The following LYAR variants were observed in gnomAD, a reference collection of about 807,000 sequenced individuals.
LYAR encodes Ly1 antibody reactive.
In LYAR, 37 loss-of-function variants were observed where a neutral mutation model predicts 45.2. The ratio of observed to expected loss-of-function variants is 0.82; its 90% CI spans 0.63 to 1.08. The LOEUF (loss-of-function observed/expected upper bound fraction) is 1.08. LYAR is among the 50% of genes least tolerant of loss of function. The probability of loss-of-function intolerance (pLI) is 0.00; values close to 1 mark genes in which losing one functional copy is unlikely to be tolerated. For synonymous variants in LYAR, 176 were observed against 155.1 expected, an observed-to-expected ratio of 1.14 and a Z score of -1.00; for missense variants, 493 against 451.0, an observed-to-expected ratio of 1.09 and a Z score of -0.84.
At chr4:4,289,311 G>C (rs1719758582) in intron 1 of LYAR, among the ~76,000 whole-genome samples, 1 of 152,252 alleles carries the variant, frequency 6.6e-6, no homozygotes, top group Admixed American at 6.5e-5. Context: ...TAACTACCAT[G>C]TGTCAGGCAC....
At chr4:4,273,098 G>C (rs1719007668) in intron 8 of LYAR, among the ~76,000 whole-genome samples, 1 of 152,214 alleles carries the variant, frequency 6.6e-6, no homozygotes, top group South Asian at 2.1e-4. Context: ...AGAGAACAGT[G>C]AAAGGCAGGG....
chr4:4,274,354 G>C lies in LYAR; in HGVS notation c.832+13C>G, dbSNP rs758524558. On this transcript the variant is annotated intron_variant, in intron 7 of 9. Transcript: ENST00000343470. ...TTTTCAGATGAATCCCAGAGCGTGAGCTAGCCACTTACCTTCCGAGTGCCT... is the reference window on the plus strand; with the variant it reads ...TTTTCAGATGAATCCCAGAGCGTGACCTAGCCACTTACCTTCCGAGTGCCT... 6.2e-7 allele frequency: 1 copy of C among 1,604,264 alleles called. No individual in the cohort carries two copies. Among genetic ancestry groups the C allele is most frequent in the Non-Finnish European group, 8.5e-7 (1 of 1,174,446 alleles).
chr4:4,278,253 C>T lies in LYAR; in HGVS notation c.429+1194G>A, dbSNP rs573999408. Among the ~76,000 whole-genome samples the T allele has an allele frequency of 9.3e-4, 142 of 152,038 alleles. 1 individual carries two copies. Among genetic ancestry groups the T allele is most frequent in the African/African-American group, 3.2e-3 (134 of 41,478 alleles). ...TTTCATCTTGATGCCCACTTGTTGCCGAAAGTATTCTCTCTACATAAGTGA... is the reference window on the plus strand; with the variant it reads ...TTTCATCTTGATGCCCACTTGTTGCTGAAAGTATTCTCTCTACATAAGTGA... On this transcript the variant is annotated intron_variant, in intron 6 of 9. Coordinates refer to ENST00000343470, the MANE Select transcript of LYAR (RefSeq NM_017816.3).
chr4:4,275,016 A>G (rs980997790), intron 6 of LYAR, among the ~76,000 whole-genome samples: 4 of 152,210 alleles, frequency 2.6e-5, no homozygotes, highest in African/African-American at 9.7e-5. Context: ...TCCACTGGAA[A>G]AGTGAAGAAT....
intron 1 of LYAR, 43 bp downstream of exon 1, chr4:4,289,993 G>A (rs928807235): frequency 1.3e-5 from 2 of 152,328 alleles, no homozygotes; most frequent in Non-Finnish European, 2.9e-5. Flanking sequence ...CACTCTCTGA[G>A]CCCCAGCCTC....
At chr4:4,281,407 C>T (rs1156645329) in intron 4 of LYAR, among the ~76,000 whole-genome samples, 1 of 152,024 alleles carries the variant, frequency 6.6e-6, no homozygotes, top group Non-Finnish European at 1.5e-5. Flanking sequence ...GCAACCTCTG[C>T]CTCCTGGCTT....
chr4:4,288,246 T>G (rs113607653), intron 1 of LYAR, among the ~76,000 whole-genome samples: 1 of 152,140 alleles, frequency 6.6e-6, no homozygotes, highest in Non-Finnish European at 1.5e-5. Context: ...ACCTACTAAT[T>G]TGCACATCAA....
chr4:4,276,725 C>A (rs1189978794), intron 6 of LYAR, among the ~76,000 whole-genome samples: 1 of 150,936 alleles, frequency 6.6e-6, no homozygotes, highest in Non-Finnish European at 1.5e-5. Context: ...GGCGTGGTGG[C>A]AAGCGCCTGT....
rs1160517382 is a variant in LYAR at position 4,267,770 on chromosome 4, C to T, written c.*119G>A. ...TTATACCAAAAATATATTTTCTTAA[C>T]TTAAAAATACAGCTTCAAAAAGCAA... On this transcript the variant is annotated 3_prime_UTR_variant, in exon 10 of 10. Coordinates refer to ENST00000343470, the MANE Select transcript of LYAR (RefSeq NM_017816.3). 1 of 662,510 alleles carries T rather than the reference C, an allele frequency of 1.5e-6. No individual in the cohort carries two copies. The highest frequency in any genetic ancestry group is 2.2e-6 in the Non-Finnish European group (1 of 445,438). The allele number at this position is 662,510 out of a possible 1,614,324, so 41.0% of individuals were successfully genotyped here.
At chr4:4,271,943 G>A (rs114164484) in intron 8 of LYAR, among the ~76,000 whole-genome samples, 1,644 of 152,302 alleles carry the variant, frequency 0.011, 43 homozygotes, top group African/African-American at 0.038. Flanking sequence ...CAACCTGGGT[G>A]AATCTCCAGA....
chr4:4,274,272 G>T, intron 7 of LYAR, 95 bp downstream of exon 7: 1 of 1,303,588 alleles, frequency 7.7e-7, no homozygotes. Context: ...ACACACACAC[G>T]CACACAAAAC....
chr4:4,283,683 C>G lies in LYAR; in HGVS notation c.60G>C (p.Lys20Asn). The G allele has an allele frequency of 1.9e-6, 3 of 1,612,882 alleles. No individual in the cohort carries two copies. The highest frequency in any genetic ancestry group is 2.5e-6 in the Non-Finnish European group (3 of 1,179,658). Residue 20 changes from lysine to asparagine, a missense_variant, in exon 3 of 10, where the codon AAG becomes AAC. By Grantham distance (94) the Lys-to-Asn change is moderately conservative. Coordinates refer to ENST00000343470, the MANE Select transcript of LYAR (RefSeq NM_017816.3). ...GESVKKIQVEKHVSVCRNCEC... is the reference protein window; with the variant it reads ...GESVKKIQVENHVSVCRNCEC... ...CACAGTTTCTGCAAACAGACACATGCTTTTCCACTTGTATTTTCTTCACTG... is the reference window on the plus strand; with the variant it reads ...CACAGTTTCTGCAAACAGACACATGGTTTTCCACTTGTATTTTCTTCACTG...
chr4:4,276,518 G>A (rs188485063), intron 6 of LYAR, among the ~76,000 whole-genome samples: 248 of 149,684 alleles, frequency 1.7e-3, no homozygotes, highest in African/African-American at 6.1e-3. Context: ...ACTCCAGCCT[G>A]GGTGACAAGA....
At chr4:4,278,615 C>A (rs1719281725) in intron 6 of LYAR, among the ~76,000 whole-genome samples, 1 of 152,208 alleles carries the variant, frequency 6.6e-6, no homozygotes, top group Admixed American at 6.5e-5. Flanking sequence ...TACGTCCTCA[C>A]CCTGTTTTAT....
chr4:4,268,033 G>T lies in LYAR; in HGVS notation c.1006-10C>A, dbSNP rs772018741. 1 of 1,561,456 alleles carries T rather than the reference G, an allele frequency of 6.4e-7. No homozygotes were observed. Among genetic ancestry groups the T allele is most frequent in the Non-Finnish European group, 8.6e-7 (1 of 1,158,008 alleles). On this transcript the variant is annotated splice_polypyrimidine_tract_variant and intron_variant, in intron 9 of 9. Transcript: ENST00000343470. ...AGTACTGAGCTAAAACCTTCACAAA[G>T]AAAAACATCAAATGAGTGTATTTGA...
At chr4:4,279,162 TA>T (rs34141345) in intron 6 of LYAR, among the ~76,000 whole-genome samples, 87 of 146,316 alleles carry the variant, frequency 5.9e-4, no homozygotes, top group Admixed American at 8.2e-4. Flanking sequence ...CTGTCTCTGC[TA>T]AAAAAAAAAA....
rs1026160003 is a variant in LYAR at position 4,274,388 on chromosome 4, T to A, written c.811A>T (p.Arg271Trp). The part of the protein sequence containing the change: ...EEEARVGAGK[R>W]KRRHSEVETD... ...TTACCTTCCGAGTGCCTCCGCTTCC[T>A]CTTCCCTGCGCCCACGCGTGCCTCT... Residue 271 changes from arginine to tryptophan, a missense_variant, in exon 7 of 10, where the codon AGG becomes TGG. Physicochemically the swap from Arg to Trp is moderately radical, Grantham distance 101. Coordinates refer to ENST00000343470, the MANE Select transcript of LYAR (RefSeq NM_017816.3). 7 of 1,611,898 alleles carry A rather than the reference T, an allele frequency of 4.3e-6. No individual in the cohort carries two copies. Among genetic ancestry groups the A allele is most frequent in the East Asian group, 2.2e-5 (1 of 44,848 alleles).
At chr4:4,283,548 A>G (rs1421508268) in intron 3 of LYAR, 73 bp downstream of exon 3, 1 of 1,506,212 alleles carries the variant, frequency 6.6e-7, no homozygotes, top group Non-Finnish European at 8.9e-7. Context: ...TATTTTTCCA[A>G]GCTTTGTGGC....
intron 6 of LYAR, among the ~76,000 whole-genome samples, chr4:4,278,077 A>G (rs1719258377): frequency 6.6e-6 from 1 of 152,228 alleles, no homozygotes; most frequent in Non-Finnish European, 1.5e-5. Flanking sequence ...AGTTGAAGCA[A>G]TTTCAAATCT....
Sources: gnomAD v4.1 joint callset for allele counts (sites outside exome capture counted in the v4.1 genomes callset) on GRCh38, gnomAD v4.1.1 for gene constraint, MANE v1.5 for transcripts, NCBI Gene and HGNC (gene_info 2026-07-23, HGNC 2026-07-21) for gene names.